Variants in CNTNAP2 observed in about 807,000 individuals in gnomAD.
CNTNAP2 encodes the protein contactin associated protein 2.
CNTNAP2 carries 98 observed loss-of-function variants against 155.2 expected under a neutral mutation model. That is an observed-to-expected ratio of 0.63 (90% confidence interval 0.54 to 0.75). CNTNAP2 has a LOEUF of 0.75. Among genes scored for constraint, CNTNAP2 ranks in the 30% least tolerant of loss-of-function variants. The probability of loss-of-function intolerance (pLI) is 0.00; values close to 1 mark genes in which losing one functional copy is unlikely to be tolerated. For missense variants in CNTNAP2, 1,727 were observed against 1,688.1 expected, an observed-to-expected ratio of 1.02 and a Z score of -0.40; for synonymous variants, 651 against 631.2, an observed-to-expected ratio of 1.03 and a Z score of -0.47.
chr7:147,099,567 A>G (rs369274431), intron 4 of CNTNAP2, among the ~76,000 whole-genome samples: 3 of 152,304 alleles, frequency 2.0e-5, no homozygotes, highest in African/African-American at 7.2e-5. Context: ...AAGAGTGCCT[A>G]AAAACAAGTT....
At chr7:146,558,998 C>T (rs1432189138) in intron 1 of CNTNAP2, among the ~76,000 whole-genome samples, 1 of 152,174 alleles carries the variant, frequency 6.6e-6, no homozygotes, top group African/African-American at 2.4e-5. Context: ...GATTTGCCAA[C>T]TGTCCCATAA....
chr7:146,914,811 T>C (rs1209213045), intron 3 of CNTNAP2, among the ~76,000 whole-genome samples: 1 of 152,106 alleles, frequency 6.6e-6, no homozygotes, highest in East Asian at 1.9e-4. Flanking sequence ...TTTAATTAGG[T>C]TCCATCAATT....
chr7:146,444,248 C>T (rs1724479), intron 1 of CNTNAP2, among the ~76,000 whole-genome samples: 4,094 of 152,138 alleles, frequency 0.027, 197 homozygotes, highest in African/African-American at 0.093. Context: ...TGGTCTCAAA[C>T]GCCTGACCTC....
chr7:147,116,517 T>C (rs1800992326), intron 5 of CNTNAP2, among the ~76,000 whole-genome samples: 1 of 152,164 alleles, frequency 6.6e-6, no homozygotes, highest in Admixed American at 6.5e-5. Flanking sequence ...AGGCCCCAGC[T>C]GGGACAACCT....
chr7:147,135,602 C>T (rs1478620252), intron 8 of CNTNAP2, among the ~76,000 whole-genome samples: 1 of 151,662 alleles, frequency 6.6e-6, no homozygotes, highest in Non-Finnish European at 1.5e-5. Flanking sequence ...AAATTCAAAA[C>T]TCTGGGGAAG....
intron 13 of CNTNAP2, among the ~76,000 whole-genome samples, chr7:147,745,071 G>A (rs1584933992): frequency 6.6e-6 from 1 of 152,230 alleles, no homozygotes; most frequent in East Asian, 1.9e-4. Flanking sequence ...ATACTATGTT[G>A]GTACTCTAAC....
At chr7:146,688,126 G>A (rs1351663117) in intron 1 of CNTNAP2, among the ~76,000 whole-genome samples, 2 of 152,114 alleles carry the variant, frequency 1.3e-5, no homozygotes, top group Non-Finnish European at 2.9e-5. Flanking sequence ...CATTAAATAG[G>A]CGTCTGTAGA....
intron 3 of CNTNAP2, among the ~76,000 whole-genome samples, chr7:146,852,056 T>C (rs1383350939): frequency 6.6e-6 from 1 of 152,126 alleles, no homozygotes; most frequent in Non-Finnish European, 1.5e-5. Context: ...TACTCTGGTA[T>C]GACCTCATAT....
chr7:146,958,508 G>T (rs2129229802), intron 3 of CNTNAP2, among the ~76,000 whole-genome samples: 1 of 148,846 alleles, frequency 6.7e-6, no homozygotes, highest in Middle Eastern at 3.6e-3. Context: ...CTGCCTCCAG[G>T]GTTCATGCCA....
intron 1 of CNTNAP2, among the ~76,000 whole-genome samples, chr7:146,162,124 A>G (rs1464546637): frequency 6.6e-6 from 1 of 152,204 alleles, no homozygotes. Context: ...TGACTAAAAC[A>G]CCAAAAGCAA....
At chr7:146,953,393 TA>T (rs529720925) in intron 3 of CNTNAP2, among the ~76,000 whole-genome samples, 8 of 151,728 alleles carry the variant, frequency 5.3e-5, no homozygotes, top group South Asian at 2.1e-4. Context: ...AACGAGATGA[TA>T]AAAAAAACTA....
intron 8 of CNTNAP2, among the ~76,000 whole-genome samples, chr7:147,138,001 A>G (rs1203428099): frequency 6.6e-6 from 1 of 151,540 alleles, no homozygotes; most frequent in Non-Finnish European, 1.5e-5. Context: ...AAAGGAATAG[A>G]TTGAATAAAT....
chr7:147,615,035 T>G (rs1387648087), intron 12 of CNTNAP2, among the ~76,000 whole-genome samples: 2 of 150,706 alleles, frequency 1.3e-5, no homozygotes, highest in Non-Finnish European at 3.0e-5. Flanking sequence ...TAAGGATTGC[T>G]TGAACCTAGG....
At chr7:147,315,811 T>A (rs2620446) in intron 9 of CNTNAP2, among the ~76,000 whole-genome samples, 74,437 of 151,712 alleles carry the variant, frequency 0.49, 19,407 homozygotes, top group East Asian at 0.73. Context: ...ATTGAATTGC[T>A]TAAAAAATTA....
intron 3 of CNTNAP2, among the ~76,000 whole-genome samples, chr7:146,847,053 A>G (rs887059495): frequency 6.6e-6 from 1 of 152,114 alleles, no homozygotes; most frequent in Non-Finnish European, 1.5e-5. Flanking sequence ...ATTGAACTCA[A>G]TGCTAATTTT....
At chr7:148,017,447 A>C (rs1802200112) in intron 15 of CNTNAP2, among the ~76,000 whole-genome samples, 1 of 152,232 alleles carries the variant, frequency 6.6e-6, no homozygotes. Flanking sequence ...AAGGCTGCTT[A>C]TGTTAAAAAT....
chr7:147,234,444 TCTC>T (rs1350480536), intron 8 of CNTNAP2, among the ~76,000 whole-genome samples: 2 of 147,848 alleles, frequency 1.4e-5, no homozygotes, highest in East Asian at 4.1e-4. Flanking sequence ...TTCACACCAT[TCTC>T]CTGCCTCAGC....
At chr7:146,559,530 C>A (rs921816683) in intron 1 of CNTNAP2, among the ~76,000 whole-genome samples, 2 of 152,046 alleles carry the variant, frequency 1.3e-5, no homozygotes, top group African/African-American at 4.8e-5. Context: ...GATCACGCCA[C>A]TGCACTCCAG....
At position 146,691,866 on chromosome 7, in the gene CNTNAP2, A is replaced by G. The variant is rs113853131; in HGVS notation, c.98-82405A>G. The stretch of plus-strand genomic sequence containing the variant: ...GTTCAGAGATGTATAAAATGGGCAA[A>G]TTCAGTGACTACTTTGAACAATGGA... On this transcript the variant is annotated intron_variant, in intron 1 of 23. Transcript: ENST00000361727. Among the ~76,000 whole-genome samples, 244 of 152,236 alleles carry G rather than the reference A, an allele frequency of 1.6e-3. 1 individual carries two copies. Among genetic ancestry groups the G allele is most frequent in the Non-Finnish European group, 2.9e-3 (199 of 67,994 alleles).
Sources: gnomAD v4.1 joint callset for allele counts (sites outside exome capture counted in the v4.1 genomes callset) on GRCh38, gnomAD v4.1.1 for gene constraint, MANE v1.5 for transcripts, NCBI Gene and HGNC (gene_info 2026-07-23, HGNC 2026-07-21) for gene names.